DNAH11: variants seen among roughly 807,000 people sequenced by gnomAD.
The protein encoded by DNAH11 is axonemal beta dynein heavy chain 11.
DNAH11 carries 442 observed loss-of-function variants against 526.0 expected under a neutral mutation model. The observed-to-expected ratio is 0.84, with a 90% CI of 0.78 to 0.91. The LOEUF (loss-of-function observed/expected upper bound fraction) is 0.91. Ranked by LOEUF, DNAH11 falls within the 40% of genes least tolerant of loss-of-function variation. DNAH11 has a pLI of 0.00. For missense variants in DNAH11, 6,989 were observed against 5,448.7 expected (o/e 1.28, Z -8.90); for synonymous variants, 2,461 against 1,935.9 (o/e 1.27, Z -7.12).
chr7:21,901,190 TGAAGAGC>T lies in DNAH11; in HGVS notation c.13494_13500del (p.Ser4498ArgfsTer15), dbSNP rs1212535211. 3.7e-6 allele frequency: 6 copies of T among 1,613,494 alleles called. No individual in the cohort carries two copies. Among genetic ancestry groups the T allele is most frequent in the South Asian group, 1.1e-5 (1 of 90,962 alleles). ...CCCAGCTACATCTGGACCTTCAGGCTGAAGAGCGAAGAGAAGACTGCAAAATGGGTTC... is the reference window on the plus strand; with the variant it reads ...CCCAGCTACATCTGGACCTTCAGGCTGAAGAGAAGACTGCAAAATGGGTTC... On this transcript the variant is annotated frameshift_variant, in exon 82 of 82. Coordinates refer to ENST00000409508, the MANE Select transcript of DNAH11 (RefSeq NM_001277115.2). LOFTEE classifies it high-confidence loss of function.
Position 21,559,013 on chromosome 7 carries a change from A to G in DNAH11, c.692+15A>G. ...TCAGAGAACAAGTACGTAACAGTAC[A>G]ATATATACAGGATATTAAAGTAGAG... On this transcript the variant is annotated intron_variant, in intron 3 of 81. Coordinates refer to ENST00000409508, the MANE Select transcript of DNAH11 (RefSeq NM_001277115.2). 1.3e-6 allele frequency: 2 copies of G among 1,556,270 alleles called. No individual in the cohort carries two copies. The highest frequency in any genetic ancestry group is 1.7e-6 in the Non-Finnish European group (2 of 1,148,424).
chr7:21,758,081 A>G (rs960370164), intron 54 of DNAH11, among the ~76,000 whole-genome samples: 1 of 152,180 alleles, frequency 6.6e-6, no homozygotes, highest in African/African-American at 2.4e-5. Context: ...ATTCTGACAC[A>G]TGCACTAATG....
intron 9 of DNAH11, 97 bp from the exon 10 acceptor site, chr7:21,587,967 C>A: frequency 8.5e-7 from 1 of 1,174,620 alleles, no homozygotes; most frequent in Non-Finnish European, 1.2e-6. Flanking sequence ...AGATTCTAAA[C>A]TTTAGTCATG....
At chr7:21,560,139 GA>G in intron 4 of DNAH11, among the ~76,000 whole-genome samples, 1 of 152,278 alleles carries the variant, frequency 6.6e-6, no homozygotes, top group East Asian at 1.9e-4. Flanking sequence ...CACAGCTTTG[GA>G]AAGACTAACT....
At chr7:21,738,042 T>C (rs1785693712) in intron 46 of DNAH11, among the ~76,000 whole-genome samples, 1 of 152,230 alleles carries the variant, frequency 6.6e-6, no homozygotes, top group South Asian at 2.1e-4. Flanking sequence ...CATAGTTCCT[T>C]GGTCTCAAAA....
intron 30 of DNAH11, among the ~76,000 whole-genome samples, chr7:21,677,095 A>G (rs2128471061): frequency 6.6e-6 from 1 of 152,292 alleles, no homozygotes; most frequent in East Asian, 1.9e-4. Context: ...AACAATAATC[A>G]CATCTGCTTT....
At chr7:21,589,771 T>A (rs955479764) in intron 12 of DNAH11, among the ~76,000 whole-genome samples, 1 of 152,168 alleles carries the variant, frequency 6.6e-6, no homozygotes, top group African/African-American at 2.4e-5. Flanking sequence ...CCGGACAGTT[T>A]CTGGCTTAAA....
At chr7:21,763,825 T>TATACATATACATAC (rs1562532150) in intron 54 of DNAH11, among the ~76,000 whole-genome samples, 3 of 148,474 alleles carry the variant, frequency 2.0e-5, no homozygotes, top group African/African-American at 7.5e-5. Flanking sequence ...TATATATACA[T>TATACATATACATAC]ATATATATAT....
At chr7:21,861,821 TC>T in intron 68 of DNAH11, 31 bp from the exon 69 acceptor site, 1 of 1,608,778 alleles carries the variant, frequency 6.2e-7, no homozygotes, top group Middle Eastern at 1.7e-4. Context: ...GCACCAGTTG[TC>T]ACATTTTAAT....
intron 9 of DNAH11, among the ~76,000 whole-genome samples, chr7:21,587,285 G>T (rs1784504305): frequency 6.6e-6 from 1 of 152,062 alleles, no homozygotes; most frequent in African/African-American, 2.4e-5. Context: ...CATTGACTGA[G>T]CAAGAGGAGT....
chr7:21,657,539 T>G (rs913574925), intron 29 of DNAH11, among the ~76,000 whole-genome samples: 1 of 152,186 alleles, frequency 6.6e-6, no homozygotes, highest in African/African-American at 2.4e-5. Context: ...TCTTCCCAAA[T>G]GGACTGCAAA....
At chr7:21,684,303 G>A (rs1783278069) in intron 32 of DNAH11, among the ~76,000 whole-genome samples, 1 of 152,150 alleles carries the variant, frequency 6.6e-6, no homozygotes, top group Non-Finnish European at 1.5e-5. Flanking sequence ...ACTGCATACA[G>A]TGAAAGGAAG....
At chr7:21,761,012 G>T (rs1348895199) in intron 54 of DNAH11, among the ~76,000 whole-genome samples, 1 of 152,044 alleles carries the variant, frequency 6.6e-6, no homozygotes, top group African/African-American at 2.4e-5. Context: ...AAATATAATG[G>T]GAAAATTATT....
At chr7:21,818,380 T>A in intron 65 of DNAH11, 41 bp downstream of exon 65, 1 of 1,582,560 alleles carries the variant, frequency 6.3e-7, no homozygotes, top group East Asian at 2.3e-5. Context: ...TCTTGCTAAA[T>A]GATTTTCAGC....
intron 8 of DNAH11, among the ~76,000 whole-genome samples, chr7:21,577,142 A>G (rs1385516621): frequency 6.6e-6 from 1 of 152,232 alleles, no homozygotes; most frequent in Non-Finnish European, 1.5e-5. Flanking sequence ...AGGAAATGCC[A>G]GTGGGCACAG....
chr7:21,644,032 G>A (rs1354642149), intron 28 of DNAH11, among the ~76,000 whole-genome samples: 1 of 150,040 alleles, frequency 6.7e-6, no homozygotes, highest in African/African-American at 2.5e-5. Context: ...ATGAAGAAAT[G>A]CCCTTCAAGG....
chr7:21,636,776 G>A (rs73682657), intron 26 of DNAH11, among the ~76,000 whole-genome samples: 18,566 of 152,042 alleles, frequency 0.12, 2,111 homozygotes, highest in African/African-American at 0.27. Flanking sequence ...CTGCTAGGTC[G>A]TGCAAAAACA....
At chr7:21,769,551 C>T (rs1787333273) in intron 55 of DNAH11, among the ~76,000 whole-genome samples, 1 of 151,744 alleles carries the variant, frequency 6.6e-6, no homozygotes, top group South Asian at 2.1e-4. Context: ...GTGGCATGAT[C>T]TCGGCTCACT....
At chr7:21,842,420 A>G in intron 65 of DNAH11, 124 bp from the exon 66 acceptor site, 1 of 757,262 alleles carries the variant, frequency 1.3e-6, no homozygotes, top group Non-Finnish European at 2.0e-6. Flanking sequence ...GAGTAGCTGA[A>G]AAATTCTCAA....
Sources: allele counts gnomAD v4.1 joint callset (sites outside exome capture counted in the v4.1 genomes callset), GRCh38; gene constraint gnomAD v4.1.1; transcripts MANE v1.5; gene names NCBI Gene and HGNC (gene_info 2026-07-23, HGNC 2026-07-21).